The following FNDC1 variants were observed in gnomAD, a reference collection of about 807,000 sequenced individuals.
FNDC1 encodes the protein fibronectin type III domain containing 1.
In FNDC1, 96 loss-of-function variants were observed where a neutral mutation model predicts 168.0. That is an observed-to-expected ratio of 0.57 (90% CI 0.48 to 0.68). FNDC1 has a LOEUF of 0.68. FNDC1 is among the 30% of genes least tolerant of loss of function. FNDC1 has a pLI of 0.00. For synonymous variants in FNDC1, 1,099 were observed against 1,025.9 expected, an observed-to-expected ratio of 1.07 and a Z score of -1.36; for missense variants, 2,587 against 2,482.1, an observed-to-expected ratio of 1.04 and a Z score of -0.90.
chr6:159,197,580 A>G lies in FNDC1; in HGVS notation c.259A>G (p.Ile87Val). The G allele has an allele frequency of 6.2e-7, 1 of 1,613,638 alleles. No homozygotes were observed. The highest frequency in any genetic ancestry group is 8.5e-7 in the Non-Finnish European group (1 of 1,179,744). The change falls in exon 2 of 23, where the codon ATC (isoleucine) becomes GTC (valine). Residue 87 changes from isoleucine (I) to valine (V), a missense_variant. Ile to Val is a conservative substitution (Grantham distance 29). Coordinates refer to ENST00000297267, the MANE Select transcript of FNDC1 (RefSeq NM_032532.3). The part of the protein sequence containing the change: ...YGKSLKSLKY[I>V]KVNAETYSFL... ...GAAGTCACTGAAAAGTCTTAAATACATCAAGGTGAATGCGGAGACATACTC... is the reference window on the plus strand; with the variant it reads ...GAAGTCACTGAAAAGTCTTAAATACGTCAAGGTGAATGCGGAGACATACTC...
At chr6:159,263,559 G>A (rs1199501728) in intron 19 of FNDC1, among the ~76,000 whole-genome samples, 1 of 152,094 alleles carries the variant, frequency 6.6e-6, no homozygotes, top group African/African-American at 2.4e-5. Context: ...TCATGAGATC[G>A]AGACCATCCT....
intron 7 of FNDC1, 91 bp from the exon 8 acceptor site, chr6:159,225,444 G>A: frequency 9.7e-7 from 1 of 1,029,848 alleles, no homozygotes; most frequent in Non-Finnish European, 1.4e-6. Flanking sequence ...ACCTCCCAAA[G>A]TCATCACTTA....
At position 159,197,414 on chromosome 6, in the gene FNDC1, T is replaced by C. The variant is rs773567735; in HGVS notation, c.110-17T>C. On this transcript the variant is annotated splice_polypyrimidine_tract_variant and intron_variant, in intron 1 of 22. Coordinates refer to ENST00000297267, the MANE Select transcript of FNDC1 (RefSeq NM_032532.3). The stretch of plus-strand genomic sequence containing the variant: ...ATCTGTTATTGCCATGAGTTGATAG[T>C]TGCGCTGTTTACATAGTTGACCACC... The C allele has an allele frequency of 1.3e-6, 2 of 1,593,474 alleles. No individual in the cohort carries two copies. Among genetic ancestry groups the C allele is most frequent in the South Asian group, 1.1e-5 (1 of 87,854 alleles).
intron 9 of FNDC1, among the ~76,000 whole-genome samples, chr6:159,228,628 A>G (rs422470): frequency 6.6e-6 from 1 of 151,658 alleles, no homozygotes; most frequent in Non-Finnish European, 1.5e-5. Context: ...TAATTCTTGA[A>G]TTTTCTGTGA....
At chr6:159,228,955 C>T (rs400148) in intron 9 of FNDC1, among the ~76,000 whole-genome samples, 58,409 of 152,048 alleles carry the variant, frequency 0.38, 14,358 homozygotes, top group East Asian at 0.73. Flanking sequence ...GGATTACAGG[C>T]GTGAGCAACC....
chr6:159,181,136 A>G (rs1015206695), intron 1 of FNDC1, among the ~76,000 whole-genome samples: 1 of 152,200 alleles, frequency 6.6e-6, no homozygotes, highest in African/African-American at 2.4e-5. Flanking sequence ...TAACCTCGAC[A>G]GCATCTGTTG....
chr6:159,209,969 G>A (rs1782564233), intron 4 of FNDC1, among the ~76,000 whole-genome samples: 3 of 152,122 alleles, frequency 2.0e-5, no homozygotes, highest in Non-Finnish European at 2.9e-5. Flanking sequence ...CCTCATCAGG[G>A]GTCTTTCCCA....
intron 1 of FNDC1, among the ~76,000 whole-genome samples, chr6:159,185,902 C>T (rs1337804088): frequency 2.0e-5 from 3 of 152,156 alleles, no homozygotes; most frequent in Non-Finnish European, 2.9e-5. Context: ...GTAGCCAATC[C>T]ATAGTGTCTA....
intron 4 of FNDC1, among the ~76,000 whole-genome samples, chr6:159,209,227 G>A (rs989530867): frequency 6.6e-6 from 1 of 152,222 alleles, no homozygotes; most frequent in African/African-American, 2.4e-5. Flanking sequence ...TAAAAATGAA[G>A]ATTAGGAATG....
intron 1 of FNDC1, among the ~76,000 whole-genome samples, chr6:159,186,896 T>C (rs148524732): frequency 6.6e-6 from 1 of 152,380 alleles, no homozygotes; most frequent in East Asian, 1.9e-4. Flanking sequence ...ATTCAGTGAC[T>C]ATCCAGTGTA....
intron 15 of FNDC1, among the ~76,000 whole-genome samples, chr6:159,248,823 G>A (rs1777192504): frequency 6.6e-6 from 1 of 152,136 alleles, no homozygotes; most frequent in Admixed American, 6.5e-5. Flanking sequence ...TCTGTCTGCA[G>A]CTTCTTTTCT....
At chr6:159,247,203 A>G (rs1339506516) in intron 15 of FNDC1, among the ~76,000 whole-genome samples, 2 of 152,104 alleles carry the variant, frequency 1.3e-5, no homozygotes, top group African/African-American at 2.4e-5. Flanking sequence ...GCAGCTTCCT[A>G]TCTGGTCCCT....
At chr6:159,259,038 G>A (rs184076170) in intron 18 of FNDC1, among the ~76,000 whole-genome samples, 12 of 152,226 alleles carry the variant, frequency 7.9e-5, no homozygotes, top group African/African-American at 2.4e-4. Flanking sequence ...AGAACTCTTC[G>A]GAGTCTGCAT....
chr6:159,227,393 A>G (rs1391317909), intron 9 of FNDC1, among the ~76,000 whole-genome samples: 1 of 152,238 alleles, frequency 6.6e-6, no homozygotes, highest in African/African-American at 2.4e-5. Context: ...TAATATGTCC[A>G]GAAACTATGA....
intron 14 of FNDC1, among the ~76,000 whole-genome samples, chr6:159,244,600 T>C (rs1407406424): frequency 6.6e-6 from 1 of 152,242 alleles, no homozygotes; most frequent in Non-Finnish European, 1.5e-5. Flanking sequence ...GCTGGTAGAA[T>C]AATGACATAG....
intron 14 of FNDC1, among the ~76,000 whole-genome samples, chr6:159,242,867 C>T (rs1029230989): frequency 1.3e-5 from 2 of 152,194 alleles, no homozygotes; most frequent in Non-Finnish European, 2.9e-5. Context: ...TAGAATACAT[C>T]AGTACTTCAT....
At chr6:159,246,778 C>T (rs1777145108) in intron 14 of FNDC1, 123 bp from the exon 15 acceptor site, 1 of 670,822 alleles carries the variant, frequency 1.5e-6, no homozygotes, top group East Asian at 2.6e-5. Context: ...GAGACCCTGG[C>T]CTTGGGGACT....
At chr6:159,230,193 TATTG>T (rs1405809970) in intron 10 of FNDC1, among the ~76,000 whole-genome samples, 190 bp downstream of exon 10, 1 of 152,232 alleles carries the variant, frequency 6.6e-6, no homozygotes, top group Non-Finnish European at 1.5e-5. Context: ...ATTAAAATGT[TATTG>T]ATTATTGATA....
chr6:159,251,542 A>G lies in FNDC1; in HGVS notation c.5065+10A>G. The G allele has an allele frequency of 6.2e-7, 1 of 1,608,990 alleles. No individual in the cohort carries two copies. Among genetic ancestry groups the G allele is most frequent in the Non-Finnish European group, 8.5e-7 (1 of 1,176,706 alleles). On this transcript the variant is annotated intron_variant, in intron 17 of 22. Coordinates refer to ENST00000297267, the MANE Select transcript of FNDC1 (RefSeq NM_032532.3). ...GGAGATGTGGTCACAGGTGTGTCCTAAGCAGAAATCAGAGTTCCCATGATC... is the reference window on the plus strand; with the variant it reads ...GGAGATGTGGTCACAGGTGTGTCCTGAGCAGAAATCAGAGTTCCCATGATC...
Sources: allele counts gnomAD v4.1 joint callset (sites outside exome capture counted in the v4.1 genomes callset), GRCh38; gene constraint gnomAD v4.1.1; transcripts MANE v1.5; gene names NCBI Gene and HGNC (gene_info 2026-07-23, HGNC 2026-07-21).